The following REV3L variants were observed in gnomAD, a reference collection of about 807,000 sequenced individuals.
REV3L encodes the protein REV3 like, DNA directed polymerase zeta catalytic subunit, also known as DNA polymerase zeta catalytic subunit.
A neutral mutation model predicts 299.4 loss-of-function variants in REV3L; 69 were observed. The ratio of observed to expected loss-of-function variants is 0.23; its 90% CI spans 0.19 to 0.28. REV3L has a LOEUF of 0.28. Among genes scored for constraint, REV3L ranks in the 10% least tolerant of loss-of-function variants. The pLI, the probability that REV3L is intolerant of heterozygous loss-of-function variation, is 1.00. For missense variants in REV3L, 3,128 were observed against 3,693.8 expected, an observed-to-expected ratio of 0.85 and a Z score of 3.97; for synonymous variants, 1,238 against 1,271.4, an observed-to-expected ratio of 0.97 and a Z score of 0.56.
intron 9 of REV3L, among the ~76,000 whole-genome samples, chr6:111,386,058 G>A (rs182513362): frequency 1.9e-4 from 29 of 152,270 alleles, no homozygotes; most frequent in African/African-American, 7.0e-4. Context: ...TACTAACCAT[G>A]TATAAGCTAA....
intron 13 of REV3L, among the ~76,000 whole-genome samples, chr6:111,369,557 C>T (rs535032884): frequency 6.6e-6 from 1 of 152,010 alleles, no homozygotes; most frequent in African/African-American, 2.4e-5. Flanking sequence ...ACCTTTCTGT[C>T]CAATAATATA....
chr6:111,441,512 A>G (rs1788261888), intron 1 of REV3L, among the ~76,000 whole-genome samples: 3 of 152,084 alleles, frequency 2.0e-5, no homozygotes, highest in Admixed American at 1.3e-4. Context: ...TCGCTTCCCA[A>G]AGTGCTGAGA....
chr6:111,360,245 C>G (rs934172629), intron 16 of REV3L, among the ~76,000 whole-genome samples: 4 of 152,006 alleles, frequency 2.6e-5, no homozygotes, highest in Non-Finnish European at 4.4e-5. Context: ...TACATGGAAC[C>G]AGTAAACACA....
chr6:111,444,889 C>T (rs1392001099), intron 1 of REV3L, among the ~76,000 whole-genome samples: 1 of 152,204 alleles, frequency 6.6e-6, no homozygotes, highest in Non-Finnish European at 1.5e-5. Flanking sequence ...TTTTCCTCAA[C>T]TGGCAAAGAG....
chr6:111,321,258 G>C (rs1774160391), intron 26 of REV3L, among the ~76,000 whole-genome samples: 1 of 152,156 alleles, frequency 6.6e-6, no homozygotes, highest in South Asian at 2.1e-4. Flanking sequence ...CTGACATTCT[G>C]TGAGTCTATT....
intron 1 of REV3L, among the ~76,000 whole-genome samples, chr6:111,423,865 C>G (rs894023818): frequency 6.6e-6 from 1 of 152,038 alleles, no homozygotes; most frequent in Admixed American, 6.5e-5. Flanking sequence ...TAATGTCACT[C>G]AAAGAAAACT....
chr6:111,430,476 T>C (rs182845527), intron 1 of REV3L: 1 of 1,547,322 alleles, frequency 6.5e-7, no homozygotes, highest in East Asian at 2.2e-5. Flanking sequence ...GACCATTTAT[T>C]ATAAAGCTGC....
chr6:111,369,300 A>T (rs1031669336), intron 13 of REV3L, among the ~76,000 whole-genome samples: 1 of 151,582 alleles, frequency 6.6e-6, no homozygotes, highest in Non-Finnish European at 1.5e-5. Flanking sequence ...AAAAAAAAAA[A>T]AAAAATGGTG....
chr6:111,303,165 C>CTTTCTTTTTTTTTTT lies in REV3L; in HGVS notation c.9253-3010_9253-3009insAAAAAAAAAAAGAAA, dbSNP rs4038141. Among the ~76,000 whole-genome samples, 29 of 92,334 alleles carry CTTTCTTTTTTTTTTT rather than the reference C, an allele frequency of 3.1e-4. 1 individual carries two copies. Among genetic ancestry groups the CTTTCTTTTTTTTTTT allele is most frequent in the Admixed American group, 5.8e-4 (4 of 6,864 alleles). 60.6% of individuals were successfully genotyped at this position (92,334 alleles called of 152,430 possible). Reference sequence around the variant, plus strand: ...AATGTACTGAGGCTTTCTTTTCTTTCTTTTTTTTTTTTTTTTTGAGATGAG... The same window carrying CTTTCTTTTTTTTTTT: ...AATGTACTGAGGCTTTCTTTTCTTTCTTTCTTTTTTTTTTTTTTTTTTTTTTTTTTTTGAGATGAG... On this transcript the variant is annotated intron_variant, in intron 31 of 31. Transcript: ENST00000368802.
At chr6:111,416,180 A>G in intron 2 of REV3L, 103 bp downstream of exon 2, 2 of 753,300 alleles carry the variant, frequency 2.7e-6, no homozygotes, top group Non-Finnish European at 3.9e-6. Flanking sequence ...CAGTTCCATT[A>G]GACTAGAAGT....
At chr6:111,349,743 T>C (rs1777408948) in intron 19 of REV3L, among the ~76,000 whole-genome samples, 1 of 152,238 alleles carries the variant, frequency 6.6e-6, no homozygotes, top group Non-Finnish European at 1.5e-5. Flanking sequence ...CACCTAATGC[T>C]AACATTTCTT....
chr6:111,472,749 C>A (rs1310894798), intron 1 of REV3L, among the ~76,000 whole-genome samples: 3 of 152,062 alleles, frequency 2.0e-5, no homozygotes, highest in African/African-American at 7.2e-5. Flanking sequence ...TAAAAACCCA[C>A]AGAGAGCTGG....
At chr6:111,456,144 C>T (rs1028597602) in intron 1 of REV3L, among the ~76,000 whole-genome samples, 1 of 152,184 alleles carries the variant, frequency 6.6e-6, no homozygotes, top group Non-Finnish European at 1.5e-5. Flanking sequence ...CCTACCAATG[C>T]ATTTCTCAGA....
intron 1 of REV3L, among the ~76,000 whole-genome samples, chr6:111,421,021 G>A (rs143352717): frequency 5.1e-4 from 77 of 152,172 alleles, no homozygotes; most frequent in Admixed American, 2.0e-3. Context: ...CCAGACACTC[G>A]GGAGGCTGAG....
chr6:111,468,540 T>C (rs556515114), intron 1 of REV3L, among the ~76,000 whole-genome samples: 244 of 152,234 alleles, frequency 1.6e-3, no homozygotes, highest in African/African-American at 5.6e-3. Context: ...TCAATCTCAC[T>C]CATAATAAAA....
At chr6:111,452,056 G>C (rs1789606731) in intron 1 of REV3L, among the ~76,000 whole-genome samples, 1 of 151,458 alleles carries the variant, frequency 6.6e-6, no homozygotes, top group African/African-American at 2.4e-5. Flanking sequence ...AAAAAGATTT[G>C]GATACTTCAC....
In REV3L at chr6:111,317,957, T is replaced by C. The variant is rs1406541248; in HGVS notation, c.8352-2576A>G. Among the ~76,000 whole-genome samples, 6 of 152,240 alleles carry C rather than the reference T, an allele frequency of 3.9e-5. No homozygotes were observed. The South Asian group carries it at 6.2e-4, about 16-fold the overall frequency. ...TGAGCAGTATTCCACTGTATGGATA[T>C]ACCACAATTTGCTTGTCCAATCACT... is the stretch of plus-strand genomic sequence containing the variant. On this transcript the variant is annotated intron_variant, in intron 26 of 31. Coordinates refer to ENST00000368802, the MANE Select transcript of REV3L (RefSeq NM_001372078.1).
intron 21 of REV3L, among the ~76,000 whole-genome samples, chr6:111,339,307 C>A (rs1339048716): frequency 6.6e-6 from 1 of 152,036 alleles, no homozygotes; most frequent in Non-Finnish European, 1.5e-5. Context: ...CTGAGGATTA[C>A]TGTAAGACTA....
chr6:111,347,468 T>TGC (rs1777148556), intron 20 of REV3L, among the ~76,000 whole-genome samples: 3 of 151,968 alleles, frequency 2.0e-5, no homozygotes, highest in Admixed American at 6.6e-5. Flanking sequence ...TGTTGTATAC[T>TGC]GCATACAGCA....
Sources: allele counts gnomAD v4.1 joint callset (sites outside exome capture counted in the v4.1 genomes callset), GRCh38; gene constraint gnomAD v4.1.1; transcripts MANE v1.5; gene names NCBI Gene and HGNC (gene_info 2026-07-23, HGNC 2026-07-21).